CDH10: variants seen among roughly 807,000 people sequenced by gnomAD.
The protein encoded by CDH10 is cadherin-10.
Under a neutral mutation model 73.1 loss-of-function variants are expected in CDH10, and 30 were observed. That is an observed-to-expected ratio of 0.41 (90% CI 0.31 to 0.56). The LOEUF is 0.56. Among genes scored for constraint, CDH10 ranks in the 20% least tolerant of loss-of-function variants. The probability of loss-of-function intolerance (pLI) is 0.27; values close to 1 mark genes in which losing one functional copy is unlikely to be tolerated. For synonymous variants in CDH10, 345 were observed against 348.2 expected, an observed-to-expected ratio of 0.99 and a Z score of 0.10; for missense variants, 815 against 973.7, an observed-to-expected ratio of 0.84 and a Z score of 2.17.
chr5:24,623,680 GTC>G (rs1421298732), intron 1 of CDH10, among the ~76,000 whole-genome samples: 2 of 152,164 alleles, frequency 1.3e-5, no homozygotes, highest in African/African-American at 4.8e-5. Flanking sequence ...CAACACAGAG[GTC>G]TGAATATCTC....
intron 2 of CDH10, among the ~76,000 whole-genome samples, chr5:24,567,158 T>C (rs1745192295): frequency 6.6e-6 from 1 of 152,090 alleles, no homozygotes; most frequent in South Asian, 2.1e-4. Context: ...ACTGCTATTA[T>C]ATACCTTTTA....
intron 5 of CDH10, among the ~76,000 whole-genome samples, chr5:24,528,966 A>C (rs1743630697): frequency 6.6e-6 from 1 of 151,968 alleles, no homozygotes. Context: ...ATGTTGGTGC[A>C]AAAGTAATCG....
chr5:24,540,298 G>T (rs1462809156), intron 2 of CDH10, among the ~76,000 whole-genome samples: 2 of 151,808 alleles, frequency 1.3e-5, no homozygotes, highest in Admixed American at 6.6e-5. Context: ...ATATAGATTT[G>T]GAATGAAGAA....
intron 5 of CDH10, among the ~76,000 whole-genome samples, chr5:24,530,859 C>T (rs1037851330): frequency 2.0e-5 from 3 of 151,980 alleles, no homozygotes; most frequent in African/African-American, 7.2e-5. Flanking sequence ...TGTTAATGTT[C>T]ACATATTTAT....
chr5:24,593,860 T>G (rs1224759621), intron 1 of CDH10, among the ~76,000 whole-genome samples: 1 of 151,912 alleles, frequency 6.6e-6, no homozygotes, highest in Non-Finnish European at 1.5e-5. Flanking sequence ...TTAGGCTTTT[T>G]TTTCTTTTGG....
intron 1 of CDH10, among the ~76,000 whole-genome samples, chr5:24,600,205 T>C (rs866461056): frequency 8.5e-5 from 13 of 152,186 alleles, no homozygotes; most frequent in African/African-American, 3.1e-4. Context: ...GAATATAGAA[T>C]CCGAAACATG....
chr5:24,589,226 C>A (rs962682760), intron 2 of CDH10, among the ~76,000 whole-genome samples: 1 of 151,966 alleles, frequency 6.6e-6, no homozygotes, highest in Non-Finnish European at 1.5e-5. Context: ...AGGATGACCA[C>A]GAGGCTGGAG....
chr5:24,506,112 CAAA>C (rs956289293), intron 7 of CDH10, among the ~76,000 whole-genome samples: 13 of 81,896 alleles, frequency 1.6e-4, no homozygotes, highest in Non-Finnish European at 1.8e-4. Flanking sequence ...AAGACTCCGT[CAAA>C]AAAAAAAAAA....
chr5:24,570,759 T>C (rs1377492390), intron 2 of CDH10, among the ~76,000 whole-genome samples: 2 of 152,158 alleles, frequency 1.3e-5, no homozygotes, highest in African/African-American at 4.8e-5. Context: ...TGTCTGCTTA[T>C]GATAGTTTTG....
chr5:24,609,350 C>A (rs188120903), intron 1 of CDH10, among the ~76,000 whole-genome samples: 1 of 152,116 alleles, frequency 6.6e-6, no homozygotes, highest in East Asian at 1.9e-4. Flanking sequence ...GCACAGGCTG[C>A]GTGGAAAGTA....
intron 1 of CDH10, among the ~76,000 whole-genome samples, chr5:24,600,829 ACTT>A (rs1486611296): frequency 6.6e-6 from 1 of 152,140 alleles, no homozygotes; most frequent in Non-Finnish European, 1.5e-5. Context: ...TTTGCATGAC[ACTT>A]CTAAGGTGAC....
intron 8 of CDH10, among the ~76,000 whole-genome samples, chr5:24,498,781 A>G (rs552162937): frequency 1.9e-4 from 29 of 152,360 alleles, no homozygotes; most frequent in Non-Finnish European, 3.8e-4. Context: ...AATTGAGTTC[A>G]CACTATATTT....
chr5:24,582,998 C>T (rs1561178874), intron 2 of CDH10, among the ~76,000 whole-genome samples: 1 of 152,026 alleles, frequency 6.6e-6, no homozygotes, highest in East Asian at 1.9e-4. Flanking sequence ...TACTTGTAGT[C>T]ATATTTCCTA....
intron 8 of CDH10, among the ~76,000 whole-genome samples, chr5:24,498,868 C>T (rs1208868237): frequency 1.3e-5 from 2 of 152,040 alleles, no homozygotes; most frequent in Non-Finnish European, 2.9e-5. Flanking sequence ...ATAATTATAT[C>T]ATTTAATTTT....
intron 5 of CDH10, among the ~76,000 whole-genome samples, chr5:24,517,816 C>G (rs7715011): frequency 0.48 from 72,585 of 151,744 alleles, 17,465 homozygotes; most frequent in East Asian, 0.58. Context: ...CCTCTTGAAG[C>G]AAGGAGGGGA....
chr5:24,625,801 T>G (rs549060429), intron 1 of CDH10, among the ~76,000 whole-genome samples: 1 of 151,632 alleles, frequency 6.6e-6, no homozygotes, highest in African/African-American at 2.4e-5. Flanking sequence ...TTCTCCTACA[T>G]CACAAAATTC....
chr5:24,641,919 T>A lies in CDH10; in HGVS notation c.-124+2675A>T, dbSNP rs139011877. 5.4e-3 allele frequency among the ~76,000 whole-genome samples: 820 copies of A among 152,228 alleles called. 6 individuals carry two copies. The highest frequency in any genetic ancestry group is 0.019 in the African/African-American group (787 of 41,558). ...TTAGAGATCAAATATCTGCATAAAA[T>A]TACTTATAATTGGCATAAATAATTT... is the stretch of plus-strand genomic sequence containing the variant. On this transcript the variant is annotated intron_variant, in intron 1 of 11. Coordinates refer to ENST00000264463, the MANE Select transcript of CDH10 (RefSeq NM_006727.5).
intron 2 of CDH10, among the ~76,000 whole-genome samples, chr5:24,590,059 G>GA (rs1746147277): frequency 6.6e-6 from 1 of 151,838 alleles, no homozygotes. Context: ...TTAGATCATG[G>GA]AAAAAATGGA....
chr5:24,576,373 AGATT>A (rs1745598669), intron 2 of CDH10, among the ~76,000 whole-genome samples: 1 of 152,126 alleles, frequency 6.6e-6, no homozygotes, highest in Non-Finnish European at 1.5e-5. Flanking sequence ...GTGCTTTAGA[AGATT>A]ATTATGTAAC....
Sources: allele counts gnomAD v4.1 joint callset (sites outside exome capture counted in the v4.1 genomes callset), GRCh38; gene constraint gnomAD v4.1.1; transcripts MANE v1.5; gene names NCBI Gene and HGNC (gene_info 2026-07-23, HGNC 2026-07-21).